NEDD4: variants seen among roughly 807,000 people sequenced by gnomAD.
NEDD4 encodes the protein E3 ubiquitin-protein ligase NEDD4.
NEDD4 carries 99 observed loss-of-function variants against 144.9 expected under a neutral mutation model. The ratio of observed to expected loss-of-function variants is 0.68; its 90% CI spans 0.58 to 0.81. The LOEUF (loss-of-function observed/expected upper bound fraction) is 0.81, where lower values mean the gene tolerates loss of function less well. Ranked by LOEUF, NEDD4 falls within the 30% of genes least tolerant of loss-of-function variation. The probability of loss-of-function intolerance (pLI) is 0.00; values close to 1 mark genes in which losing one functional copy is unlikely to be tolerated. For synonymous variants in NEDD4, 318 were observed against 350.6 expected (o/e 0.91, Z 1.04); for missense variants, 985 against 1,065.9 (o/e 0.92, Z 1.06).
chr15:55,915,544 C>T (rs1265426095), intron 5 of NEDD4: 10 of 1,613,820 alleles, frequency 6.2e-6, no homozygotes, highest in Non-Finnish European at 8.5e-6. Context: ...ATTTGACAAT[C>T]TACATTTTGG....
Position 55,829,941 on chromosome 15 carries a change from G to T in NEDD4, c.2659C>A (p.Gln887Lys), listed in dbSNP as rs770478294. The change falls in exon 29 of 29, where the codon CAG becomes AAG. Residue 887 changes from glutamine (Q) to lysine (K), a missense_variant. Coordinates refer to ENST00000435532, the MANE Select transcript of NEDD4 (RefSeq NM_006154.4). ...ESFEELWDKL[Q>K]MAIENTQGFD... ...CCCTGGGTGTTTTCAATTGCCATCT[G>T]AAGTTTATCCCATAATTCTTCAAAT... 1 of 1,613,788 alleles carries T rather than the reference G, an allele frequency of 6.2e-7. No individual in the cohort carries two copies. Among genetic ancestry groups the T allele is most frequent in the Non-Finnish European group, 8.5e-7 (1 of 1,179,890 alleles).
At chr15:55,880,631 T>C (rs537857539) in intron 5 of NEDD4, among the ~76,000 whole-genome samples, 1 of 152,202 alleles carries the variant, frequency 6.6e-6, no homozygotes, top group South Asian at 2.1e-4. Flanking sequence ...TGTGCCGTGA[T>C]ATGGAAGATG....
rs948453101 is a variant in NEDD4, at chr15:55,860,888, T to G, written c.675-110A>C. ...ATCTACATTACATCAATAAAAAAAT[T>G]TATTGTCTTTGACCAAAGGCTATTT... is the stretch of plus-strand genomic sequence containing the variant. On this transcript the variant is annotated intron_variant, in intron 9 of 28. Transcript: ENST00000435532. 1.3e-5 allele frequency: 12 copies of G among 928,398 alleles called. No individual in the cohort carries two copies. The Middle Eastern group carries it at 8.0e-4, about 62-fold the overall frequency. The allele number at this position is 928,398 out of a possible 1,614,324, so 57.5% of individuals were successfully genotyped here. A position where few individuals can be genotyped will look rare whatever the true frequency, so the allele number is the denominator to read the frequency against.
intron 15 of NEDD4, 89 bp from the exon 16 acceptor site, chr15:55,848,664 C>T: frequency 7.8e-7 from 1 of 1,284,970 alleles, no homozygotes; most frequent in Non-Finnish European, 1.1e-6. Context: ...GTTAATTTAA[C>T]TTGCATATTC....
At chr15:55,973,295 T>G (rs866959428) in intron 1 of NEDD4, among the ~76,000 whole-genome samples, 1 of 152,192 alleles carries the variant, frequency 6.6e-6, no homozygotes, top group African/African-American at 2.4e-5. Flanking sequence ...TTCCAACACT[T>G]TGGGACGCCA....
intron 4 of NEDD4, among the ~76,000 whole-genome samples, chr15:55,942,133 T>C (rs537010399): frequency 6.6e-6 from 1 of 152,310 alleles, no homozygotes; most frequent in South Asian, 2.1e-4. Flanking sequence ...ATTTGTTTAT[T>C]TATTTAGTTC....
rs1410458920 is a variant in NEDD4 at position 55,924,636 on chromosome 15, T to C, written c.291+10A>G. On this transcript the variant is annotated intron_variant, in intron 5 of 28. Transcript: ENST00000435532. ...TACTTCATATTTCATATAAGCACAA[T>C]ATAACTTACCAATCGGTTTTCGTCA... 2.5e-6 allele frequency: 4 copies of C among 1,604,722 alleles called. No individual in the cohort carries two copies. The highest frequency in any genetic ancestry group is 3.4e-6 in the Non-Finnish European group (4 of 1,175,046).
At chr15:55,916,957 A>G (rs2036470854) in intron 5 of NEDD4, 2 of 1,469,164 alleles carry the variant, frequency 1.4e-6, no homozygotes, top group Admixed American at 2.6e-5. Flanking sequence ...AAGAGCTATT[A>G]AGTAGTAGTC....
At chr15:55,990,255 T>A (rs1182182137) in intron 1 of NEDD4, among the ~76,000 whole-genome samples, 1 of 152,006 alleles carries the variant, frequency 6.6e-6, no homozygotes, top group African/African-American at 2.4e-5. Context: ...CTGGACCGCA[T>A]CCCCGGTCCA....
chr15:55,912,091 A>C (rs1048501803), intron 5 of NEDD4, among the ~76,000 whole-genome samples: 4 of 152,230 alleles, frequency 2.6e-5, no homozygotes, highest in Admixed American at 6.5e-5. Context: ...TACATTTTTC[A>C]CCAACTTTCT....
In NEDD4 at chr15:55,828,989, A is replaced by G. The variant is rs1264160131; in HGVS notation, c.*908T>C. The G allele has an allele frequency of 6.6e-6, 1 of 152,642 alleles. No individual in the cohort carries two copies. The highest frequency in any genetic ancestry group is 2.4e-5 in the African/African-American group (1 of 41,462). The allele number at this position is 152,642 out of a possible 1,614,324, so 9.5% of individuals were successfully genotyped here. On this transcript the variant is annotated 3_prime_UTR_variant, in exon 29 of 29. Transcript: ENST00000435532. ...CTACATAATTGTACAAGTGTAAAGAATATCTAGTAAAGGCAAGTGCTATAC... is the reference window on the plus strand; with the variant it reads ...CTACATAATTGTACAAGTGTAAAGAGTATCTAGTAAAGGCAAGTGCTATAC...
chr15:55,987,254 G>C (rs1595891301), intron 1 of NEDD4: 1 of 34,738 alleles, frequency 2.9e-5, no homozygotes, highest in East Asian at 6.4e-4. Flanking sequence ...GTGTTTTTTG[G>C]CTGCATAAAT....
At chr15:55,898,494 T>C (rs1027536343) in intron 5 of NEDD4, among the ~76,000 whole-genome samples, 1 of 152,194 alleles carries the variant, frequency 6.6e-6, no homozygotes, top group Non-Finnish European at 1.5e-5. Context: ...GCCTTGATGC[T>C]TACAATAATT....
At chr15:55,878,790 T>C (rs1383517195) in intron 5 of NEDD4, among the ~76,000 whole-genome samples, 2 of 152,232 alleles carry the variant, frequency 1.3e-5, no homozygotes, top group East Asian at 3.8e-4. Flanking sequence ...AAATAACATA[T>C]ATAAATCTCA....
intron 24 of NEDD4, among the ~76,000 whole-genome samples, chr15:55,834,924 C>T (rs1164756464): frequency 3.3e-5 from 5 of 152,190 alleles, no homozygotes; most frequent in African/African-American, 1.2e-4. Context: ...TCCTTCCCAC[C>T]GCAGTGCCGC....
chr15:55,972,502 C>T (rs1274631469), intron 1 of NEDD4, among the ~76,000 whole-genome samples: 2 of 151,992 alleles, frequency 1.3e-5, no homozygotes, highest in African/African-American at 2.4e-5. Flanking sequence ...CCTCATGTAA[C>T]ATCAAGTTAA....
intron 1 of NEDD4, 29 bp downstream of exon 1, chr15:55,993,482 C>A (rs1302930458): frequency 1.3e-6 from 2 of 1,593,244 alleles, no homozygotes; most frequent in Non-Finnish European, 1.7e-6. Flanking sequence ...CGAAGGGAAG[C>A]CCGCCCCGCA....
At chr15:55,988,781 T>C (rs2037940778) in intron 1 of NEDD4, among the ~76,000 whole-genome samples, 1 of 152,114 alleles carries the variant, frequency 6.6e-6, no homozygotes, top group Admixed American at 6.6e-5. Context: ...GGGCATTGTG[T>C]CTGCAGCTTG....
At chr15:55,917,116 T>C (rs2036474721) in intron 5 of NEDD4, 2 of 1,155,148 alleles carry the variant, frequency 1.7e-6, no homozygotes, top group Non-Finnish European at 2.1e-6. Flanking sequence ...ACCTTTAAGC[T>C]GAGCTCAGCT....
Sources: gnomAD v4.1 joint callset for allele counts (sites outside exome capture counted in the v4.1 genomes callset) on GRCh38, gnomAD v4.1.1 for gene constraint, MANE v1.5 for transcripts, NCBI Gene and HGNC (gene_info 2026-07-23, HGNC 2026-07-21) for gene names.